The following PDE2A variants were observed in gnomAD, a reference collection of about 807,000 sequenced individuals.
PDE2A encodes phosphodiesterase 2A, also known as cGMP-dependent 3',5'-cyclic phosphodiesterase.
PDE2A carries 53 observed loss-of-function variants against 133.6 expected under a neutral mutation model. The observed-to-expected ratio is 0.40, with a 90% CI of 0.32 to 0.50. The LOEUF (loss-of-function observed/expected upper bound fraction) is 0.50, where lower values mean the gene tolerates loss of function less well. Ranked by LOEUF, PDE2A falls within the 20% of genes least tolerant of loss-of-function variation. The pLI, the probability that PDE2A is intolerant of heterozygous loss-of-function variation, is 0.73. For synonymous variants in PDE2A, 491 were observed against 490.2 expected (o/e 1.00, Z -0.02); for missense variants, 796 against 1,232.4 (o/e 0.65, Z 5.30).
chr11:72,596,352 C>T (rs1197290705), intron 6 of PDE2A, among the ~76,000 whole-genome samples: 1 of 152,150 alleles, frequency 6.6e-6, no homozygotes. Context: ...TGGCTTCATC[C>T]TACCTATTCG....
chr11:72,607,354 G>T (rs1857012634), intron 3 of PDE2A, among the ~76,000 whole-genome samples: 1 of 152,138 alleles, frequency 6.6e-6, no homozygotes, highest in African/African-American at 2.4e-5. Context: ...TGGCCACAGA[G>T]GCTCTCGGGG....
chr11:72,584,414 T>A (rs2135284945), intron 18 of PDE2A, 101 bp from the exon 19 acceptor site: 2 of 1,260,356 alleles, frequency 1.6e-6, no homozygotes, highest in Non-Finnish European at 2.3e-6. Context: ...GCAGGTTACG[T>A]ACGTCCCAGG....
chr11:72,632,118 G>C (rs1164490236), intron 2 of PDE2A, among the ~76,000 whole-genome samples: 6 of 152,154 alleles, frequency 3.9e-5, no homozygotes, highest in African/African-American at 1.4e-4. Context: ...TGTGAGCTGG[G>C]GGGAGGGCAC....
At chr11:72,618,311 TC>T (rs1286619714) in intron 2 of PDE2A, among the ~76,000 whole-genome samples, 1 of 152,228 alleles carries the variant, frequency 6.6e-6, no homozygotes, top group East Asian at 1.9e-4. Context: ...CCTTTGCTCC[TC>T]CGTTTCCTGC....
intron 17 of PDE2A, 25 bp from the exon 18 acceptor site, chr11:72,584,753 GA>G (rs1855885978): frequency 1.9e-6 from 3 of 1,612,488 alleles, no homozygotes; most frequent in Middle Eastern, 3.3e-4. Flanking sequence ...ATGGAGTCGA[GA>G]GGAAGAAGTT....
chr11:72,642,325 G>T lies in PDE2A; in HGVS notation c.73C>A (p.Arg25=), dbSNP rs538447408. The T allele has an allele frequency of 6.5e-7, 1 of 1,538,836 alleles. No homozygotes were observed. Among genetic ancestry groups the T allele is most frequent in the Non-Finnish European group, 8.7e-7 (1 of 1,145,522 alleles). Residue 25 remains arginine, a splice_region_variant and synonymous_variant, in exon 2 of 31, where the codon CGG becomes AGG. Transcript: ENST00000334456. ...QYPAARPAEP[R]GQQVFLKPDE... ...GGCTTGAGGAAGACCTGCTGGCCCC[G>T]CCTGAGGAATTGGACAACAGCGATG...
chr11:72,642,380 C>T, intron 1 of PDE2A, 54 bp from the exon 2 acceptor site: 2 of 1,317,140 alleles, frequency 1.5e-6, no homozygotes, highest in Non-Finnish European at 2.0e-6. Flanking sequence ...GGACCATGCT[C>T]GCAGCCGCCC....
intron 24 of PDE2A, 44 bp downstream of exon 24, chr11:72,580,842 A>T: frequency 8.1e-7 from 1 of 1,233,730 alleles, no homozygotes; most frequent in Non-Finnish European, 1.2e-6. Flanking sequence ...AGACTCCCAG[A>T]CACCCCATGG....
At position 72,596,590 on chromosome 11, in the gene PDE2A, T is replaced by C; in HGVS notation, c.489+3A>G. ...ACATCCCACCGCCTAGGCAGGCTCT[T>C]ACCAAGATGACAGCTGCCACGGCCC... is the stretch of plus-strand genomic sequence containing the variant. On this transcript the variant is annotated splice_donor_region_variant and intron_variant, in intron 6 of 30. Transcript: ENST00000334456. 2 of 1,484,760 alleles carry C rather than the reference T, an allele frequency of 1.3e-6. No individual in the cohort carries two copies. The highest frequency in any genetic ancestry group is 9.0e-7 in the Non-Finnish European group (1 of 1,108,510). The allele number at this position is 1,484,760 out of a possible 1,614,324, so 92.0% of individuals were successfully genotyped here.
chr11:72,614,088 G>C (rs1051384263), intron 2 of PDE2A, among the ~76,000 whole-genome samples: 1 of 152,184 alleles, frequency 6.6e-6, no homozygotes, highest in African/African-American at 2.4e-5. Flanking sequence ...ATGCCTCCTC[G>C]CAGCCTTACA....
At chr11:72,653,990 A>G (rs1307301263) in intron 1 of PDE2A, among the ~76,000 whole-genome samples, 1 of 152,226 alleles carries the variant, frequency 6.6e-6, no homozygotes, top group Non-Finnish European at 1.5e-5. Context: ...ACCCCAAGTG[A>G]CACCACTCCT....
At chr11:72,631,631 G>A (rs1471437868) in intron 2 of PDE2A, among the ~76,000 whole-genome samples, 2 of 152,130 alleles carry the variant, frequency 1.3e-5, no homozygotes, top group African/African-American at 4.8e-5. Flanking sequence ...AGACCATGTG[G>A]GAGCCCCCCT....
chr11:72,647,286 G>A (rs1268251478), intron 1 of PDE2A, among the ~76,000 whole-genome samples: 2 of 152,236 alleles, frequency 1.3e-5, no homozygotes, highest in Non-Finnish European at 2.9e-5. Context: ...TGGAAGCCCA[G>A]GTTCAAACCC....
chr11:72,589,029 G>C (rs1856108352), intron 12 of PDE2A, 115 bp from the exon 13 acceptor site: 5 of 1,287,114 alleles, frequency 3.9e-6, no homozygotes, highest in African/African-American at 1.5e-5. Context: ...AAGGCTGGAA[G>C]CTCTGTGTCA....
At chr11:72,669,987 C>T (rs1855348131) in intron 1 of PDE2A, among the ~76,000 whole-genome samples, 1 of 152,122 alleles carries the variant, frequency 6.6e-6, no homozygotes, top group Non-Finnish European at 1.5e-5. Flanking sequence ...AAAGTGCTTC[C>T]TACAGTCTAG....
rs1319527620 is a variant in PDE2A, at chr11:72,631,121, G to A, written c.144+11133C>T. The A allele has an allele frequency of 2.0e-6, 3 of 1,531,696 alleles. No individual in the cohort carries two copies. The South Asian group carries it at 3.6e-5, about 18-fold the overall frequency. The allele number at this position is 1,531,696 out of a possible 1,614,324, so 94.9% of individuals were successfully genotyped here. A position where few individuals can be genotyped will look rare whatever the true frequency, so the allele number is the denominator to read the frequency against. ...ACTCCCTGGGGGTCCTGGCTCCTTT[G>A]CAAGGGGGTCCAGGCTGGCTGCAGA... is the stretch of plus-strand genomic sequence containing the variant. On this transcript the variant is annotated intron_variant, in intron 2 of 30. Transcript: ENST00000334456.
intron 2 of PDE2A, among the ~76,000 whole-genome samples, chr11:72,630,329 G>A (rs913041369): frequency 3.3e-5 from 5 of 152,156 alleles, no homozygotes; most frequent in African/African-American, 1.2e-4. Flanking sequence ...TCGTGGCACA[G>A]CACGGTGGGC....
chr11:72,599,837 G>A lies in PDE2A; in HGVS notation c.324-2218C>T, dbSNP rs115525924. 4.8e-3 allele frequency among the ~76,000 whole-genome samples: 724 copies of A among 152,324 alleles called. 4 individuals are homozygous for A. Among genetic ancestry groups the A allele is most frequent in the African/African-American group, 0.017 (687 of 41,560 alleles). On this transcript the variant is annotated intron_variant, in intron 4 of 30. Transcript: ENST00000334456. ...AGGCCAAGAACACGCAGAGATCAACGTACAGACCCACGCTTCAGTCGGGAG... is the reference window on the plus strand; with the variant it reads ...AGGCCAAGAACACGCAGAGATCAACATACAGACCCACGCTTCAGTCGGGAG...
intron 20 of PDE2A, among the ~76,000 whole-genome samples, chr11:72,583,211 C>T (rs969201701): frequency 3.9e-5 from 6 of 152,206 alleles, no homozygotes; most frequent in African/African-American, 1.4e-4. Flanking sequence ...CCAATTACTC[C>T]CTGGGCTGGT....
Sources: gnomAD v4.1 joint callset for allele counts (sites outside exome capture counted in the v4.1 genomes callset) on GRCh38, gnomAD v4.1.1 for gene constraint, MANE v1.5 for transcripts, NCBI Gene and HGNC (gene_info 2026-07-23, HGNC 2026-07-21) for gene names.